The following PRPF6 variants were observed in gnomAD, a reference collection of about 807,000 sequenced individuals.
PRPF6 encodes pre-mRNA-processing factor 6.
PRPF6 carries 42 observed loss-of-function variants against 118.3 expected under a neutral mutation model. The observed-to-expected ratio is 0.35, with a 90% CI of 0.28 to 0.46. The LOEUF is 0.46. PRPF6 is among the 20% of genes least tolerant of loss of function. The probability of loss-of-function intolerance (pLI) is 1.00; values close to 1 mark genes in which losing one functional copy is unlikely to be tolerated. For synonymous variants in PRPF6, 481 were observed against 485.1 expected (o/e 0.99, Z 0.11); for missense variants, 662 against 1,255.7 (o/e 0.53, Z 7.15).
intron 3 of PRPF6, among the ~76,000 whole-genome samples, chr20:63,989,974 C>T (rs921644724): frequency 6.6e-5 from 10 of 151,958 alleles, no homozygotes; most frequent in African/African-American, 2.4e-5. Flanking sequence ...CTGCCTCAGC[C>T]TCCCAAGTAG....
chr20:64,025,072 C>G (rs1405010597), intron 14 of PRPF6, among the ~76,000 whole-genome samples: 1 of 152,014 alleles, frequency 6.6e-6, no homozygotes, highest in South Asian at 2.1e-4. Context: ...AGTACCTTGT[C>G]TTTATTTTCA....
chr20:64,019,611 G>A (rs368017546), intron 12 of PRPF6, among the ~76,000 whole-genome samples: 1 of 152,188 alleles, frequency 6.6e-6, no homozygotes, highest in African/African-American at 2.4e-5. Context: ...CCAAGGAGGC[G>A]ATGGAGAATC....
chr20:64,015,214 C>CTG (rs2059231613), intron 11 of PRPF6, among the ~76,000 whole-genome samples: 1 of 152,222 alleles, frequency 6.6e-6, no homozygotes, highest in African/African-American at 2.4e-5. Context: ...AAGCAGTTTG[C>CTG]ATTCAGTAGA....
Position 63,981,480 on chromosome 20 carries a change from C to T in PRPF6, c.71+164C>T, listed in dbSNP as rs370126029. ...AACGGGCTTTGGGGTCAGGACATAC[C>T]TGTGTGTGCACCCTGCTTGCCGCCT... On this transcript the variant is annotated intron_variant, in intron 1 of 20. Transcript: ENST00000266079. Among the ~76,000 whole-genome samples the T allele has an allele frequency of 7.8e-4, 119 of 152,318 alleles. 1 individual carries two copies. In the South Asian group the frequency reaches 0.024, roughly 31 times the overall value.
intron 8 of PRPF6, 24 bp from the exon 9 acceptor site, chr20:64,001,053 T>C (rs2123025614): frequency 4.3e-6 from 7 of 1,613,082 alleles, no homozygotes; most frequent in East Asian, 2.2e-5. Context: ...CTGAGCCTTA[T>C]TGGTCTTATC....
chr20:64,018,278 C>T (rs1415508019), intron 12 of PRPF6, among the ~76,000 whole-genome samples: 1 of 152,198 alleles, frequency 6.6e-6, no homozygotes, highest in African/African-American at 2.4e-5. Flanking sequence ...AATACAGGGT[C>T]ATCCTCAGGC....
Position 64,027,604 on chromosome 20 carries a change from TGAA to T in PRPF6, c.2212_2214del (p.Lys738del), listed in dbSNP as rs1383904514. The T allele has an allele frequency of 6.2e-7, 1 of 1,613,954 alleles. No homozygotes were observed. Among genetic ancestry groups the T allele is most frequent in the Non-Finnish European group, 8.5e-7 (1 of 1,180,024 alleles). Reference sequence around the variant, plus strand: ...TGCTCTCTTACTTGTTGGTTGCAGTTGAAGAAGTGTCCCCACTCCACACCCCTG... The same window carrying T: ...TGCTCTCTTACTTGTTGGTTGCAGTTGAAGTGTCCCCACTCCACACCCCTG... On this transcript the variant is annotated inframe_deletion and splice_region_variant, in exon 17 of 21. Coordinates refer to ENST00000266079, the MANE Select transcript of PRPF6 (RefSeq NM_012469.4). This position sits in a 1 kb window ranked among gnomAD's most constrained non-coding sequence, Gnocchi z 6.5.
intron 12 of PRPF6, 94 bp downstream of exon 12, chr20:64,016,939 C>T (rs1601526725): frequency 1.6e-5 from 20 of 1,285,690 alleles, no homozygotes; most frequent in East Asian, 8.0e-5. Flanking sequence ...TTTTAAAACT[C>T]TTTTTTTTTT....
intron 11 of PRPF6, among the ~76,000 whole-genome samples, chr20:64,014,011 C>G (rs1044896862): frequency 1.3e-5 from 2 of 151,710 alleles, no homozygotes; most frequent in African/African-American, 4.8e-5. Flanking sequence ...AATCTTGGCT[C>G]TCTGCCACAT....
chr20:63,983,915 A>C (rs1012231830), intron 2 of PRPF6, among the ~76,000 whole-genome samples: 33 of 152,078 alleles, frequency 2.2e-4, no homozygotes, highest in Non-Finnish European at 5.9e-5. Flanking sequence ...GGCTTCCCAA[A>C]GTGTTGGGAT....
At chr20:63,986,166 C>A (rs1337470449) in intron 3 of PRPF6, among the ~76,000 whole-genome samples, 1 of 151,838 alleles carries the variant, frequency 6.6e-6, no homozygotes, top group Non-Finnish European at 1.5e-5. Flanking sequence ...CCTAGTGAAA[C>A]CCAGTCTCTA....
chr20:64,018,529 A>G (rs192236191), intron 12 of PRPF6, among the ~76,000 whole-genome samples: 32 of 152,180 alleles, frequency 2.1e-4, no homozygotes, highest in Admixed American at 1.8e-3. Flanking sequence ...CTTTGTTATT[A>G]TTAATAAGTA....
intron 6 of PRPF6, among the ~76,000 whole-genome samples, chr20:63,996,942 C>T (rs899625253): frequency 9.9e-5 from 15 of 152,110 alleles, no homozygotes; most frequent in African/African-American, 2.4e-4. Context: ...ATAAATAAAA[C>T]TGTCACAGTA....
chr20:64,027,256 G>T lies in PRPF6; in HGVS notation c.2205+98G>T. ...CATTGCCCTTCGCCTCTGAGGAGAT[G>T]TGGAGGGCTGGGGGTTACAGCTGAT... On this transcript the variant is annotated intron_variant, in intron 16 of 20. Coordinates refer to ENST00000266079, the MANE Select transcript of PRPF6 (RefSeq NM_012469.4). The surrounding 1 kb of genome is among the most constrained non-coding windows in gnomAD (Gnocchi z 6.5). 2 of 1,470,874 alleles carry T rather than the reference G, an allele frequency of 1.4e-6. No individual in the cohort carries two copies. Among genetic ancestry groups the T allele is most frequent in the Non-Finnish European group, 1.9e-6 (2 of 1,070,932 alleles). 91.1% of individuals were successfully genotyped at this position (1,470,874 alleles called of 1,614,324 possible). A position where few individuals can be genotyped will look rare whatever the true frequency, so the allele number is the denominator to read the frequency against.
intron 3 of PRPF6, among the ~76,000 whole-genome samples, chr20:63,990,900 T>C (rs562958564): frequency 2.1e-4 from 32 of 151,946 alleles, no homozygotes; most frequent in African/African-American, 7.7e-4. Context: ...GTGATCTGCC[T>C]GCCTTGGCCT....
chr20:63,995,598 T>G, intron 6 of PRPF6, 116 bp downstream of exon 6: 3 of 1,051,710 alleles, frequency 2.9e-6, no homozygotes, highest in Non-Finnish European at 4.2e-6. Flanking sequence ...CTCCTCCTCC[T>G]CCTTCTTCTC....
At position 63,983,030 on chromosome 20, in the gene PRPF6, T is replaced by C; in HGVS notation, c.72-17T>C. 6.2e-7 allele frequency: 1 copy of C among 1,613,506 alleles called. No individual in the cohort carries two copies. Among genetic ancestry groups the C allele is most frequent in the Non-Finnish European group, 8.5e-7 (1 of 1,179,774 alleles). ...CAGAGTTATTCAGACACCCGGTGTC[T>C]TGGGGGTCTCCTGCAGCGCCACTGG... On this transcript the variant is annotated splice_polypyrimidine_tract_variant and intron_variant, in intron 1 of 20. Transcript: ENST00000266079.
intron 1 of PRPF6, 59 bp downstream of exon 1, chr20:63,981,375 G>A (rs555805364): frequency 1.3e-6 from 2 of 1,500,020 alleles, no homozygotes; most frequent in East Asian, 4.9e-5. Context: ...GCAGTGCTTT[G>A]GGGCGTGTTT....
intron 9 of PRPF6, among the ~76,000 whole-genome samples, chr20:64,007,425 TCCCTCCCCGCCTC>T (rs2059195649): frequency 9.1e-6 from 1 of 110,044 alleles, no homozygotes; most frequent in Non-Finnish European, 1.8e-5. Context: ...CGCCTCCGCT[TCCCTCCCCGCCTC>T]CCCTCCCCTG....
Sources: gnomAD v4.1 joint callset for allele counts (sites outside exome capture counted in the v4.1 genomes callset) on GRCh38, gnomAD v4.1.1 for gene constraint, Gnocchi (gnomAD v3.1) non-coding constraint, MANE v1.5 for transcripts, NCBI Gene and HGNC (gene_info 2026-07-23, HGNC 2026-07-21) for gene names.